DOCK2: variants seen among roughly 807,000 people sequenced by gnomAD.
DOCK2 encodes dedicator of cytokinesis 2, also known as dedicator of cytokinesis protein 2.
Under a neutral mutation model 248.9 loss-of-function variants are expected in DOCK2, and 87 were observed. That is an observed-to-expected ratio of 0.35 (90% CI 0.29 to 0.42). The LOEUF (loss-of-function observed/expected upper bound fraction) is 0.42, where lower values mean the gene tolerates loss of function less well. DOCK2 is among the 10% of genes least tolerant of loss of function. The pLI is 1.00. For synonymous variants in DOCK2, 805 were observed against 821.6 expected (o/e 0.98, Z 0.35); for missense variants, 1,747 against 2,300.2 (o/e 0.76, Z 4.92).
intron 29 of DOCK2, among the ~76,000 whole-genome samples, chr5:169,986,677 C>T (rs1187290249): frequency 1.3e-5 from 2 of 152,228 alleles, no homozygotes; most frequent in Admixed American, 1.3e-4. Flanking sequence ...AAGCCTCTCT[C>T]AGAACCTGAT....
Position 169,653,921 on chromosome 5 carries a change from A to G in DOCK2, c.44-482A>G, listed in dbSNP as rs149227983. 2.8e-3 allele frequency among the ~76,000 whole-genome samples: 419 copies of G among 152,166 alleles called. 5 individuals are homozygous for G. Among genetic ancestry groups the G allele is most frequent in the African/African-American group, 1.0e-2 (413 of 41,492 alleles). On this transcript the variant is annotated intron_variant, in intron 1 of 51. Coordinates refer to ENST00000520908, the MANE Select transcript of DOCK2 (RefSeq NM_004946.3). ...CCTGGGGTGCCTGAGCTGGGACTCA[A>G]CCCCAGGCCTGGCTGAAGGAGGGGC...
intron 15 of DOCK2, among the ~76,000 whole-genome samples, chr5:169,709,306 T>C (rs1311320883): frequency 6.6e-6 from 1 of 152,126 alleles, no homozygotes; most frequent in African/African-American, 2.4e-5. Context: ...AGAGGGAAGG[T>C]ATAGTTGTTC....
intron 7 of DOCK2, among the ~76,000 whole-genome samples, chr5:169,682,849 G>A (rs2113361933): frequency 6.6e-6 from 1 of 152,252 alleles, no homozygotes; most frequent in Admixed American, 6.5e-5. Flanking sequence ...TCCTGTCACT[G>A]TAGATTTGCC....
At chr5:169,864,181 T>C in intron 27 of DOCK2, 1 of 1,181,496 alleles carries the variant, frequency 8.5e-7, no homozygotes, top group Non-Finnish European at 1.2e-6. Flanking sequence ...CCAGGGCCTT[T>C]GCAAAGAAGC....
intron 25 of DOCK2, among the ~76,000 whole-genome samples, chr5:169,774,241 G>A (rs1015785977): frequency 6.6e-6 from 1 of 152,072 alleles, no homozygotes; most frequent in African/African-American, 2.4e-5. Context: ...TAAAACTGTG[G>A]CAGCACTGTA....
intron 1 of DOCK2, among the ~76,000 whole-genome samples, chr5:169,646,298 A>C (rs1338254933): frequency 6.6e-6 from 1 of 152,098 alleles, no homozygotes; most frequent in African/African-American, 2.4e-5. Context: ...CCATTGGTCT[A>C]TATATCTGTT....
At chr5:169,916,320 A>G (rs1024517441) in intron 27 of DOCK2, among the ~76,000 whole-genome samples, 7 of 152,194 alleles carry the variant, frequency 4.6e-5, no homozygotes, top group Non-Finnish European at 1.0e-4. Context: ...ACATGCATGG[A>G]TCTAAGGAAC....
chr5:169,650,833 A>C (rs565550773), intron 1 of DOCK2, among the ~76,000 whole-genome samples: 14 of 152,140 alleles, frequency 9.2e-5, no homozygotes, highest in Non-Finnish European at 1.6e-4. Flanking sequence ...GGAGAGGTCA[A>C]GTCTTTCCTA....
chr5:170,032,861 T>G (rs1451916573), intron 34 of DOCK2, among the ~76,000 whole-genome samples: 1 of 152,156 alleles, frequency 6.6e-6, no homozygotes, highest in Non-Finnish European at 1.5e-5. Context: ...TAAGGGCCCC[T>G]GGAGAGTTTC....
At chr5:169,810,948 T>C (rs182513899) in intron 26 of DOCK2, among the ~76,000 whole-genome samples, 1 of 151,238 alleles carries the variant, frequency 6.6e-6, no homozygotes, top group Admixed American at 6.6e-5. Context: ...TGGGTGCATG[T>C]ATGTTTACAC....
At chr5:169,915,589 C>T (rs1774830314) in intron 27 of DOCK2, among the ~76,000 whole-genome samples, 1 of 150,896 alleles carries the variant, frequency 6.6e-6, no homozygotes, top group African/African-American at 2.4e-5. Flanking sequence ...CACACACACA[C>T]ACACACACAC....
intron 46 of DOCK2, among the ~76,000 whole-genome samples, chr5:170,074,410 G>T (rs1757775859): frequency 1.3e-5 from 2 of 152,154 alleles, no homozygotes; most frequent in South Asian, 4.1e-4. Context: ...TAAGAGCAAG[G>T]CTAAAGAAAA....
intron 27 of DOCK2, among the ~76,000 whole-genome samples, chr5:169,979,164 C>T (rs191661264): frequency 6.6e-6 from 1 of 152,296 alleles, no homozygotes; most frequent in Admixed American, 6.5e-5. Flanking sequence ...CCCCTCTGTT[C>T]CCCATGCAGT....
intron 14 of DOCK2, among the ~76,000 whole-genome samples, chr5:169,705,781 C>T (rs930661369): frequency 6.6e-6 from 1 of 152,182 alleles, no homozygotes; most frequent in African/African-American, 2.4e-5. Context: ...TCACCTGATT[C>T]CTACCAAGTA....
intron 25 of DOCK2, among the ~76,000 whole-genome samples, chr5:169,790,087 G>A (rs1766234603): frequency 6.6e-6 from 1 of 152,140 alleles, no homozygotes; most frequent in African/African-American, 2.4e-5. Flanking sequence ...GATGATGATT[G>A]GAAACAATTA....
intron 2 of DOCK2, among the ~76,000 whole-genome samples, chr5:169,658,378 G>A (rs2113207995): frequency 6.6e-6 from 1 of 150,618 alleles, no homozygotes; most frequent in Non-Finnish European, 1.5e-5. Flanking sequence ...TACTCAGGAG[G>A]CTGAGGCAGG....
At chr5:169,830,611 G>T (rs1315135222) in intron 26 of DOCK2, among the ~76,000 whole-genome samples, 1 of 152,164 alleles carries the variant, frequency 6.6e-6, no homozygotes, top group Non-Finnish European at 1.5e-5. Context: ...TATTGAACAT[G>T]CAGACTTTAG....
chr5:169,851,248 C>T (rs1429657634), intron 27 of DOCK2, among the ~76,000 whole-genome samples: 1 of 152,204 alleles, frequency 6.6e-6, no homozygotes, highest in Non-Finnish European at 1.5e-5. Context: ...TCATGCCAAT[C>T]TTTCCTGTAA....
chr5:169,977,616 T>C (rs1023773905), intron 27 of DOCK2, among the ~76,000 whole-genome samples: 3 of 152,222 alleles, frequency 2.0e-5, no homozygotes, highest in African/African-American at 7.2e-5. Context: ...TCAGGCTTTC[T>C]GGCTCCTAAG....
Sources: allele counts gnomAD v4.1 joint callset (sites outside exome capture counted in the v4.1 genomes callset), GRCh38; gene constraint gnomAD v4.1.1; transcripts MANE v1.5; gene names NCBI Gene and HGNC (gene_info 2026-07-23, HGNC 2026-07-21).